The following NUDT3 variants were observed in gnomAD, a reference collection of about 807,000 sequenced individuals.
The protein encoded by NUDT3 is nudix hydrolase 3, also known as diphosphoinositol polyphosphate phosphohydrolase 1.
Under a neutral mutation model 23.6 loss-of-function variants are expected in NUDT3, and 9 were observed. The ratio of observed to expected loss-of-function variants is 0.38; its 90% confidence interval spans 0.23 to 0.66. The LOEUF is 0.66. NUDT3 is among the 30% of genes least tolerant of loss of function. The pLI, the probability that NUDT3 is intolerant of heterozygous loss-of-function variation, is 0.52. For missense variants in NUDT3, 172 were observed against 218.5 expected (o/e 0.79, Z 1.34); for synonymous variants, 86 against 82.6 (o/e 1.04, Z -0.22).
At position 34,376,540 on chromosome 6, in the gene NUDT3, G is replaced by A. The variant is rs532770812; in HGVS notation, c.99+15724C>T. On this transcript the variant is annotated intron_variant, in intron 1 of 4. Transcript: ENST00000607016. ...GATTCTCCTGCTTCCGCCTCCCAAA[G>A]TGCTGGGATTACAGGCGTGAGCCAC... is the stretch of plus-strand genomic sequence containing the variant. Among the ~76,000 whole-genome samples the A allele has an allele frequency of 6.9e-4, 105 of 152,240 alleles. No individual in the cohort carries two copies. The Middle Eastern group carries it at 0.017, about 25-fold the overall frequency.
intron 1 of NUDT3, among the ~76,000 whole-genome samples, chr6:34,369,171 A>G (rs1764789957): frequency 6.6e-6 from 1 of 152,248 alleles, no homozygotes; most frequent in Non-Finnish European, 1.5e-5. Flanking sequence ...TTCTTTCAAA[A>G]TAATTTCTAC....
intron 1 of NUDT3, among the ~76,000 whole-genome samples, chr6:34,377,112 C>G (rs565413521): frequency 6.6e-6 from 1 of 152,298 alleles, no homozygotes; most frequent in Admixed American, 6.5e-5. Context: ...GCCTTTCCTA[C>G]ATTTTTTTCT....
At chr6:34,363,233 G>A (rs941927261) in intron 1 of NUDT3, among the ~76,000 whole-genome samples, 9 of 152,134 alleles carry the variant, frequency 5.9e-5, no homozygotes, top group African/African-American at 2.2e-4. Context: ...AGTTTATTGG[G>A]TTCTAGGGCA....
At chr6:34,347,501 A>T (rs1764392976) in intron 1 of NUDT3, among the ~76,000 whole-genome samples, 1 of 152,228 alleles carries the variant, frequency 6.6e-6, no homozygotes, top group South Asian at 2.1e-4. Flanking sequence ...GCAGGCAGAA[A>T]TCAACAGGTG....
intron 1 of NUDT3, among the ~76,000 whole-genome samples, chr6:34,369,708 C>G (rs778775359): frequency 7.2e-5 from 11 of 152,130 alleles, no homozygotes; most frequent in Admixed American, 7.2e-4. Flanking sequence ...CACTTCAGTA[C>G]AATGAAAAGA....
rs542461364 is a variant in NUDT3 at position 34,381,337 on chromosome 6, G to C, written c.99+10927C>G. 6.6e-5 allele frequency among the ~76,000 whole-genome samples: 10 copies of C among 152,160 alleles called. No individual in the cohort carries two copies. In the South Asian group the frequency reaches 1.9e-3, roughly 28 times the overall value. ...CGGCCTAAATTGCATCTTGCCAGTA[G>C]ACTGAAGCTCAGATTCTGTATTCTA... On this transcript the variant is annotated intron_variant, in intron 1 of 4. Transcript: ENST00000607016.
intron 2 of NUDT3, among the ~76,000 whole-genome samples, chr6:34,301,830 T>C (rs80221619): frequency 0.095 from 14,404 of 152,270 alleles, 794 homozygotes; most frequent in Non-Finnish European, 0.12. Context: ...TCCTCTTCAA[T>C]ATTTAGTATT....
In NUDT3 at chr6:34,392,363, C is replaced by T. The variant is rs151087311; in HGVS notation, c.-1G>A. On this transcript the variant is annotated 5_prime_UTR_variant, in exon 1 of 5. Transcript: ENST00000607016. ...TCTGGTTCGACTTGAGCTTCATCAT[C>T]CTCCGGGCCCGGGTGGGGGTGCGGT... 80 of 1,599,734 alleles carry T rather than the reference C, an allele frequency of 5.0e-5. No homozygotes were observed. The highest frequency in any genetic ancestry group is 1.8e-4 in the African/African-American group (13 of 72,730).
In NUDT3 at chr6:34,284,719, A is replaced by C. The variant is rs1412721378; in HGVS notation, c.*4034T>G. 1 of 152,154 alleles carries C rather than the reference A, an allele frequency of 6.6e-6. No individual in the cohort carries two copies. The highest frequency in any genetic ancestry group is 1.5e-5 in the Non-Finnish European group (1 of 68,038). The allele number at this position is 152,154 out of a possible 1,614,324, so 9.4% of individuals were successfully genotyped here. On this transcript the variant is annotated 3_prime_UTR_variant, in exon 5 of 5. Transcript: ENST00000607016. Reference sequence around the variant, plus strand: ...CCTCCAATGAGCACTGTATGTAGAGAAAAGGGAAGGAGCAGGAGGAGGAAC... The same window carrying C: ...CCTCCAATGAGCACTGTATGTAGAGCAAAGGGAAGGAGCAGGAGGAGGAAC...
At chr6:34,291,772 G>T (rs964648326) in intron 4 of NUDT3, among the ~76,000 whole-genome samples, 26 of 152,204 alleles carry the variant, frequency 1.7e-4, no homozygotes, top group African/African-American at 6.0e-4. Flanking sequence ...CAAAGCGCTG[G>T]GATTACAGGC....
chr6:34,379,429 A>T (rs1387033026), intron 1 of NUDT3, among the ~76,000 whole-genome samples: 1 of 151,866 alleles, frequency 6.6e-6, no homozygotes, highest in Admixed American at 6.6e-5. Context: ...GCGTGTTAGC[A>T]GGTGCCTGTA....
intron 1 of NUDT3, among the ~76,000 whole-genome samples, chr6:34,352,341 T>C (rs1764491217): frequency 6.6e-6 from 1 of 152,126 alleles, no homozygotes; most frequent in Non-Finnish European, 1.5e-5. Flanking sequence ...GGGTAATTTT[T>C]GCATTATTTG....
At chr6:34,302,649 T>C (rs2113702412) in intron 2 of NUDT3, among the ~76,000 whole-genome samples, 2 of 152,250 alleles carry the variant, frequency 1.3e-5, no homozygotes, top group Admixed American at 6.5e-5. Flanking sequence ...GGAGAATTGC[T>C]TGAACCTGGG....
At chr6:34,289,567 A>AG (rs954108337) in intron 4 of NUDT3, among the ~76,000 whole-genome samples, 3 of 152,156 alleles carry the variant, frequency 2.0e-5, no homozygotes, top group African/African-American at 7.2e-5. Context: ...CCCTGTCCCA[A>AG]GGGGGGAAAA....
intron 2 of NUDT3, among the ~76,000 whole-genome samples, chr6:34,297,718 T>TAAA (rs200099331): frequency 0.01 from 809 of 78,250 alleles, 29 homozygotes; most frequent in Non-Finnish European, 0.016. Context: ...CCGGCTAATG[T>TAAA]AAAAAAAAAA....
chr6:34,320,608 G>A (rs556670375), intron 2 of NUDT3, among the ~76,000 whole-genome samples: 42 of 152,102 alleles, frequency 2.8e-4, no homozygotes, highest in Non-Finnish European at 4.9e-4. Context: ...GCCAAAGTGG[G>A]TGGATTTCTT....
At position 34,288,948 on chromosome 6, in the gene NUDT3, A is replaced by G. The variant is rs1561896045; in HGVS notation, c.341-17T>C. On this transcript the variant is annotated splice_polypyrimidine_tract_variant and intron_variant, in intron 4 of 4. Transcript: ENST00000607016. ...TCTTCCTTCCTGTGGAGGCAGAGAG[A>G]AAAGAAACTAGTACAAGAGTAATAA... 4 of 1,587,634 alleles carry G rather than the reference A, an allele frequency of 2.5e-6. No individual in the cohort carries two copies. In the East Asian group the frequency reaches 9.0e-5, roughly 36 times the overall value.
chr6:34,329,731 C>A (rs1462619229), intron 2 of NUDT3, among the ~76,000 whole-genome samples: 1 of 152,050 alleles, frequency 6.6e-6, no homozygotes, highest in Non-Finnish European at 1.5e-5. Flanking sequence ...ATACATGTGC[C>A]ATGTTGGTGT....
intron 1 of NUDT3, among the ~76,000 whole-genome samples, chr6:34,360,503 G>A (rs1360910418): frequency 6.6e-6 from 1 of 152,128 alleles, no homozygotes; most frequent in Non-Finnish European, 1.5e-5. Flanking sequence ...GAACCCAGGA[G>A]GTGGAGGTTG....
Sources: gnomAD v4.1 joint callset for allele counts (sites outside exome capture counted in the v4.1 genomes callset) on GRCh38, gnomAD v4.1.1 for gene constraint, MANE v1.5 for transcripts, NCBI Gene and HGNC (gene_info 2026-07-23, HGNC 2026-07-21) for gene names.